NTM: variants seen among roughly 807,000 people sequenced by gnomAD.
The protein encoded by NTM is neurotrimin, also known as IgLON family member 2.
A neutral mutation model predicts 42.1 loss-of-function variants in NTM; 13 were observed. The observed-to-expected ratio is 0.31, with a 90% confidence interval of 0.20 to 0.49. The LOEUF (loss-of-function observed/expected upper bound fraction) is 0.49. Ranked by LOEUF, NTM falls within the 20% of genes least tolerant of loss-of-function variation. The probability of loss-of-function intolerance (pLI) is 0.99; values close to 1 mark genes in which losing one functional copy is unlikely to be tolerated. For missense variants in NTM, 373 were observed against 452.8 expected (o/e 0.82, Z 1.60); for synonymous variants, 187 against 179.2 (o/e 1.04, Z -0.35).
At chr11:132,213,893 C>T (rs2083341521) in intron 4 of NTM, among the ~76,000 whole-genome samples, 1 of 116,828 alleles carries the variant, frequency 8.6e-6, no homozygotes, top group African/African-American at 3.0e-5. Flanking sequence ...CGCCACTACG[C>T]CCGGCTAATT....
At chr11:131,812,692 CAG>C (rs1346803549) in intron 1 of NTM, among the ~76,000 whole-genome samples, 4 of 152,082 alleles carry the variant, frequency 2.6e-5, no homozygotes, top group African/African-American at 9.7e-5. Flanking sequence ...GTCTGATAAA[CAG>C]GGGTGACATC....
At chr11:131,777,589 G>C (rs573889926) in intron 1 of NTM, among the ~76,000 whole-genome samples, 1 of 151,656 alleles carries the variant, frequency 6.6e-6, no homozygotes, top group East Asian at 2.0e-4. Flanking sequence ...CAGAAAAATG[G>C]CATAACAAAG....
chr11:132,290,827 A>G (rs558286135), intron 4 of NTM, among the ~76,000 whole-genome samples: 2 of 152,314 alleles, frequency 1.3e-5, no homozygotes, highest in East Asian at 3.9e-4. Context: ...TTACAGAAGG[A>G]TTCTTATACG....
intron 2 of NTM, among the ~76,000 whole-genome samples, chr11:131,961,229 T>A (rs2062132761): frequency 6.6e-6 from 1 of 152,184 alleles, no homozygotes; most frequent in African/African-American, 2.4e-5. Context: ...TCCATTTATT[T>A]TGTCCTGTTG....
intron 1 of NTM, among the ~76,000 whole-genome samples, chr11:131,654,956 T>C (rs2066985204): frequency 6.6e-6 from 1 of 152,072 alleles, no homozygotes; most frequent in African/African-American, 2.4e-5. Context: ...TACTCAGAAA[T>C]GAAAAATCTC....
intron 1 of NTM, among the ~76,000 whole-genome samples, chr11:131,680,533 C>T (rs61901618): frequency 0.046 from 1,678 of 36,148 alleles, no homozygotes; most frequent in Middle Eastern, 0.13. Flanking sequence ...ATGGCTGTGT[C>T]TGTGTCTGTG....
intron 6 of NTM, among the ~76,000 whole-genome samples, chr11:132,311,761 G>A (rs1026341628): frequency 2.0e-5 from 3 of 152,052 alleles, no homozygotes; most frequent in Admixed American, 6.5e-5. Flanking sequence ...GAGAAAAATA[G>A]AAAAAATACA....
At chr11:132,134,090 T>A (rs1317988125) in intron 2 of NTM, among the ~76,000 whole-genome samples, 1 of 152,026 alleles carries the variant, frequency 6.6e-6, no homozygotes, top group African/African-American at 2.4e-5. Context: ...TGCCCAGCCA[T>A]TTTTTTTCTT....
intron 2 of NTM, among the ~76,000 whole-genome samples, chr11:132,111,969 T>C (rs1020999961): frequency 2.0e-5 from 3 of 152,256 alleles, no homozygotes; most frequent in Admixed American, 6.5e-5. Context: ...AGAGAAACTT[T>C]GCTTTTCTCA....
At chr11:131,544,778 CT>C (rs1437309576) in intron 1 of NTM, among the ~76,000 whole-genome samples, 1 of 152,208 alleles carries the variant, frequency 6.6e-6, no homozygotes, top group Non-Finnish European at 1.5e-5. Context: ...ACGTGTGAGT[CT>C]GACAGAGCCT....
At chr11:131,535,940 T>A (rs1278847748) in intron 1 of NTM, 1 of 152,258 alleles carries the variant, frequency 6.6e-6, no homozygotes, top group African/African-American at 2.4e-5. Flanking sequence ...GAGTGGACAA[T>A]GTTTTGCCAG....
At chr11:131,606,858 G>T (rs561979062) in intron 1 of NTM, among the ~76,000 whole-genome samples, 9 of 152,320 alleles carry the variant, frequency 5.9e-5, no homozygotes, top group African/African-American at 1.9e-4. Context: ...AAAAGAGGCC[G>T]TGGTTTAAGA....
At chr11:132,316,656 T>G (rs1438641930) in intron 7 of NTM, among the ~76,000 whole-genome samples, 2 of 152,174 alleles carry the variant, frequency 1.3e-5, no homozygotes, top group African/African-American at 2.4e-5. Flanking sequence ...CAATTTAATT[T>G]GTTAGCTTCA....
chr11:132,051,058 G>C (rs1371370498), intron 2 of NTM, among the ~76,000 whole-genome samples: 1 of 152,196 alleles, frequency 6.6e-6, no homozygotes, highest in Non-Finnish European at 1.5e-5. Flanking sequence ...TTGCTCCTTG[G>C]TTAAGGATTT....
chr11:131,660,335 G>A (rs762613816), intron 1 of NTM: 2 of 371,396 alleles, frequency 5.4e-6, no homozygotes, highest in African/African-American at 4.2e-5. Context: ...AGAGGGGGAT[G>A]GAGACCTTGG....
At chr11:131,639,903 C>T (rs1188345925) in intron 1 of NTM, among the ~76,000 whole-genome samples, 1 of 151,852 alleles carries the variant, frequency 6.6e-6, no homozygotes, top group Non-Finnish European at 1.5e-5. Context: ...TTGCAGTGAG[C>T]CAAGATCACA....
rs75246956 is a variant in NTM, at chr11:131,673,576, G to A, written c.83-237988G>A. Among the ~76,000 whole-genome samples the A allele has an allele frequency of 7.4e-3, 1,121 of 152,312 alleles. 11 individuals carry two copies. The highest frequency in any genetic ancestry group is 0.024 in the African/African-American group (992 of 41,554). ...TTTAAATATGGTGCCAGACAGTGAC[G>A]TGATACAGTTAGCGGGTGATGCTTG... On this transcript the variant is annotated intron_variant, in intron 1 of 8. Transcript: ENST00000683400.
chr11:131,978,415 A>G (rs954079284), intron 2 of NTM, among the ~76,000 whole-genome samples: 3 of 152,204 alleles, frequency 2.0e-5, no homozygotes, highest in African/African-American at 7.2e-5. Context: ...CAGAGCACCT[A>G]TTCTTTTGAA....
At chr11:131,404,400 AC>A (rs1215529308) in intron 1 of NTM, among the ~76,000 whole-genome samples, 1 of 151,778 alleles carries the variant, frequency 6.6e-6, no homozygotes, top group Non-Finnish European at 1.5e-5. Flanking sequence ...CTTTCTTCTT[AC>A]CTCACTAAAC....
Sources: gnomAD v4.1 joint callset for allele counts (sites outside exome capture counted in the v4.1 genomes callset) on GRCh38, gnomAD v4.1.1 for gene constraint, MANE v1.5 for transcripts, NCBI Gene and HGNC (gene_info 2026-07-23, HGNC 2026-07-21) for gene names.